ZNF609: variants seen among roughly 807,000 people sequenced by gnomAD.
ZNF609 encodes the protein zinc finger protein 609.
Under a neutral mutation model 109.5 loss-of-function variants are expected in ZNF609, and 11 were observed. That is an observed-to-expected ratio of 0.10 (90% CI 0.06 to 0.17). The LOEUF (loss-of-function observed/expected upper bound fraction) is 0.17, where lower values mean the gene tolerates loss of function less well. ZNF609 is among the 10% of genes least tolerant of loss of function. The pLI, the probability that ZNF609 is intolerant of heterozygous loss-of-function variation, is 1.00. For missense variants in ZNF609, 1,559 were observed against 1,772.4 expected (o/e 0.88, Z 2.16); for synonymous variants, 646 against 662.0 (o/e 0.98, Z 0.37).
intron 5 of ZNF609, among the ~76,000 whole-genome samples, chr15:64,677,334 A>AT (rs1896822928): frequency 6.6e-6 from 1 of 152,186 alleles, no homozygotes; most frequent in South Asian, 2.1e-4. Context: ...AAGCACAGGG[A>AT]TTCATATTAA....
At chr15:64,584,162 C>A (rs1207084785) in intron 2 of ZNF609, among the ~76,000 whole-genome samples, 1 of 152,048 alleles carries the variant, frequency 6.6e-6, no homozygotes, top group African/African-American at 2.4e-5. Context: ...ACAGGTTGTG[C>A]CTTTTAAGAG....
intron 2 of ZNF609, among the ~76,000 whole-genome samples, chr15:64,594,764 C>T (rs141587322): frequency 0.02 from 2,800 of 143,404 alleles, 106 homozygotes; most frequent in East Asian, 0.19. Flanking sequence ...CGGTGGCTCA[C>T]GCCTGTAATC....
At position 64,485,050 on chromosome 15, in the gene ZNF609, C is replaced by T. The variant is rs1011272000; in HGVS notation, c.-127-14243C>T. On this transcript the variant is annotated intron_variant, in intron 1 of 9. Coordinates refer to ENST00000326648, the MANE Select transcript of ZNF609 (RefSeq NM_015042.2). Reference sequence around the variant, plus strand: ...AACTTAGTGTACTGCCACGGAAATGCTGGGCATCATTAGGAAGAGAATCAG... The same window carrying T: ...AACTTAGTGTACTGCCACGGAAATGTTGGGCATCATTAGGAAGAGAATCAG... 2.8e-4 allele frequency among the ~76,000 whole-genome samples: 42 copies of T among 152,262 alleles called. 1 individual carries two copies. The highest frequency in any genetic ancestry group is 1.0e-3 in the African/African-American group (42 of 41,556).
In ZNF609 at chr15:64,680,347, G is replaced by A. The variant is rs1595762776; in HGVS notation, c.3932G>A (p.Ser1311Asn). 2 of 1,614,136 alleles carry A rather than the reference G, an allele frequency of 1.2e-6. No homozygotes were observed. The highest frequency in any genetic ancestry group is 1.7e-6 in the Non-Finnish European group (2 of 1,180,008). Residue 1311 changes from serine (S) to asparagine (N), a missense_variant, in exon 7 of 10, where the codon AGC becomes AAC. Ser to Asn is a conservative substitution (Grantham distance 46). Coordinates refer to ENST00000326648, the MANE Select transcript of ZNF609 (RefSeq NM_015042.2). ...ILQQHASHYK[S>N]KSPTISDKTS... is the part of the protein sequence containing the mutation. ...CAGCAGCATGCCAGTCACTACAAGA[G>A]CAAGTCTCCCACGGTAAGAAAAGTA...
intron 2 of ZNF609, among the ~76,000 whole-genome samples, chr15:64,527,402 T>C (rs1893982903): frequency 6.6e-6 from 1 of 151,494 alleles, no homozygotes; most frequent in Non-Finnish European, 1.5e-5. Flanking sequence ...GAGTTCAGTA[T>C]ATTCTCAGTG....
intron 2 of ZNF609, among the ~76,000 whole-genome samples, chr15:64,603,903 A>T (rs1895550260): frequency 6.6e-6 from 1 of 150,516 alleles, no homozygotes; most frequent in South Asian, 2.1e-4. Flanking sequence ...GGAGGCTGAG[A>T]CAGAGAATTG....
In ZNF609 at chr15:64,683,846, A is replaced by AT; in HGVS notation, c.*2164dup. 1.3e-5 allele frequency: 2 copies of AT among 152,234 alleles called. No homozygotes were observed. Among genetic ancestry groups the AT allele is most frequent in the South Asian group, 4.1e-4 (2 of 4,820 alleles). The allele number at this position is 152,234 out of a possible 1,614,324, so 9.4% of individuals were successfully genotyped here. On this transcript the variant is annotated 3_prime_UTR_variant, in exon 10 of 10. Coordinates refer to ENST00000326648, the MANE Select transcript of ZNF609 (RefSeq NM_015042.2). ...TATTGTAAAGAAACCGTTAGGAGTA[A>AT]TTTTCTTTTGCATTGGGCAGGCATG...
intron 2 of ZNF609, among the ~76,000 whole-genome samples, chr15:64,608,271 G>T (rs1055155186): frequency 2.0e-5 from 3 of 151,970 alleles, no homozygotes; most frequent in African/African-American, 4.8e-5. Flanking sequence ...GTTCTTTGGG[G>T]TTCTTAACTT....
At chr15:64,512,902 T>C (rs1273700333) in intron 2 of ZNF609, among the ~76,000 whole-genome samples, 1 of 152,062 alleles carries the variant, frequency 6.6e-6, no homozygotes, top group Non-Finnish European at 1.5e-5. Flanking sequence ...GTCACATGGG[T>C]TTGGCGTGCA....
chr15:64,644,981 TTTTCTTTCTTTC>T (rs147608283), intron 3 of ZNF609, among the ~76,000 whole-genome samples: 5 of 139,656 alleles, frequency 3.6e-5, no homozygotes, highest in East Asian at 2.0e-4. Flanking sequence ...CTTTCTTTCT[TTTTCTTTCTTTC>T]TTTCTTTCTT....
intron 2 of ZNF609, among the ~76,000 whole-genome samples, chr15:64,516,926 C>T (rs1043768968): frequency 6.6e-6 from 1 of 152,128 alleles, no homozygotes; most frequent in Non-Finnish European, 1.5e-5. Flanking sequence ...TAAAAATTTT[C>T]ACCAGGTTCC....
rs35293725 is a variant in ZNF609 at position 64,627,663 on chromosome 15, C to CTTTTTTTTTTTTTTT, written c.973+4619_973+4633dup. On this transcript the variant is annotated intron_variant, in intron 3 of 9. Transcript: ENST00000326648. ...GTTCTTTTTAGTTCTTTTTTTCTTT[C>CTTTTTTTTTTTTTTT]TTTTTTTTTTTTTTTTTTTTTTGAG... is the stretch of plus-strand genomic sequence containing the variant. 3.7e-3 allele frequency among the ~76,000 whole-genome samples: 317 copies of CTTTTTTTTTTTTTTT among 85,942 alleles called. 1 individual carries two copies. The highest frequency in any genetic ancestry group is 5.1e-3 in the Non-Finnish European group (241 of 47,036). 56.4% of individuals were successfully genotyped at this position (85,942 alleles called of 152,430 possible). A position where few individuals can be genotyped will look rare whatever the true frequency, so the allele number is the denominator to read the frequency against.
intron 2 of ZNF609, among the ~76,000 whole-genome samples, chr15:64,508,333 A>C (rs79652764): frequency 0.062 from 9,420 of 152,290 alleles, 293 homozygotes; most frequent in South Asian, 0.087. Flanking sequence ...AGAAGTTCTT[A>C]GCAAAGTTTA....
intron 2 of ZNF609, among the ~76,000 whole-genome samples, chr15:64,571,562 A>C (rs1894860058): frequency 6.6e-6 from 1 of 152,128 alleles, no homozygotes. Flanking sequence ...CAACCGTATA[A>C]GTTAAGTACT....
chr15:64,632,912 A>G (rs971368327), intron 3 of ZNF609, among the ~76,000 whole-genome samples: 4 of 151,718 alleles, frequency 2.6e-5, no homozygotes, highest in East Asian at 2.0e-4. Flanking sequence ...AGCTGGGACT[A>G]CAGGCACACA....
chr15:64,655,129 G>GA (rs140500032), intron 3 of ZNF609, among the ~76,000 whole-genome samples: 174 of 143,954 alleles, frequency 1.2e-3, no homozygotes, highest in South Asian at 4.1e-3. Context: ...AAGTTGAGGG[G>GA]AAAAAAAACA....
At chr15:64,647,459 ATAAAT>A (rs1347763534) in intron 3 of ZNF609, among the ~76,000 whole-genome samples, 1 of 152,212 alleles carries the variant, frequency 6.6e-6, no homozygotes, top group African/African-American at 2.4e-5. Flanking sequence ...GAGGAAAAGA[ATAAAT>A]TACCCAGAGA....
chr15:64,668,278 T>C (rs1311195280), intron 3 of ZNF609, among the ~76,000 whole-genome samples: 1 of 152,116 alleles, frequency 6.6e-6, no homozygotes, highest in African/African-American at 2.4e-5. Flanking sequence ...ATTCCTCCCC[T>C]AAATACAACT....
intron 2 of ZNF609, among the ~76,000 whole-genome samples, chr15:64,543,255 CT>C (rs77646116): frequency 0.19 from 21,109 of 113,226 alleles, 2,146 homozygotes; most frequent in African/African-American, 0.37. Flanking sequence ...TTTGTTGTTG[CT>C]TTTTTTTTTT....
Sources: allele counts gnomAD v4.1 joint callset (sites outside exome capture counted in the v4.1 genomes callset), GRCh38; gene constraint gnomAD v4.1.1; transcripts MANE v1.5; gene names NCBI Gene and HGNC (gene_info 2026-07-23, HGNC 2026-07-21).